The following IBTK variants were observed in gnomAD, a reference collection of about 807,000 sequenced individuals.
IBTK encodes the protein BTK-binding protein.
IBTK carries 83 observed loss-of-function variants against 154.9 expected under a neutral mutation model. That is an observed-to-expected ratio of 0.54 (90% confidence interval 0.45 to 0.64). The LOEUF (loss-of-function observed/expected upper bound fraction) is 0.64. IBTK is among the 30% of genes least tolerant of loss of function. The probability of loss-of-function intolerance (pLI) is 0.00; values close to 1 mark genes in which losing one functional copy is unlikely to be tolerated. For missense variants in IBTK, 1,332 were observed against 1,584.6 expected (o/e 0.84, Z 2.71); for synonymous variants, 515 against 536.1 (o/e 0.96, Z 0.54).
At chr6:82,194,398 T>G in intron 23 of IBTK, 81 bp downstream of exon 23, 1 of 936,382 alleles carries the variant, frequency 1.1e-6, no homozygotes, top group African/African-American at 1.7e-5. Context: ...TCTTAAATGT[T>G]CATCATTAAA....
intron 26 of IBTK, among the ~76,000 whole-genome samples, chr6:82,179,345 G>A (rs1768229803): frequency 6.6e-6 from 1 of 152,068 alleles, no homozygotes; most frequent in South Asian, 2.1e-4. Flanking sequence ...ATGGGTATGA[G>A]GAAAACATTA....
chr6:82,196,966 T>C (rs1769011582), intron 21 of IBTK, among the ~76,000 whole-genome samples: 1 of 152,158 alleles, frequency 6.6e-6, no homozygotes, highest in African/African-American at 2.4e-5. Context: ...TGTGGCCTGT[T>C]TGAAGTGTGT....
intron 8 of IBTK, 36 bp downstream of exon 8, chr6:82,223,404 A>C (rs1383007060): frequency 6.6e-7 from 1 of 1,517,716 alleles, no homozygotes; most frequent in Non-Finnish European, 9.0e-7. Context: ...TTGAATTATT[A>C]TTAAAATTAC....
chr6:82,187,798 T>C (rs1257576306), intron 25 of IBTK, among the ~76,000 whole-genome samples: 1 of 152,182 alleles, frequency 6.6e-6, no homozygotes, highest in Non-Finnish European at 1.5e-5. Context: ...TATCTCCATA[T>C]GGTCATATTA....
At position 82,178,154 on chromosome 6, in the gene IBTK, C is replaced by T. The variant is rs184521362; in HGVS notation, c.3725+3725G>A. On this transcript the variant is annotated intron_variant, in intron 26 of 28. Transcript: ENST00000306270. ...GAATCACTAGCAGTGATAGCCAAAG[C>T]TATTTAAAACATTAACTCCCATACC... Among the ~76,000 whole-genome samples the T allele has an allele frequency of 2.4e-4, 36 of 152,240 alleles. No homozygotes were observed. In the East Asian group the frequency reaches 6.7e-3, roughly 29 times the overall value.
Position 82,194,544 on chromosome 6 carries a change from T to C in IBTK, c.3273A>G (p.Pro1091=). ...EKSPILKISA[P]QPIPSNRIDT... ...CAATTCTGTTACTGGGAATAGGCTG[T>C]GGAGCAGATATTTTAAGTATTGGTG... Residue 1091 remains proline (P), a synonymous_variant, in exon 23 of 29, where the codon CCA becomes CCG. Transcript: ENST00000306270. 6.2e-7 allele frequency: 1 copy of C among 1,611,452 alleles called. No individual in the cohort carries two copies. The highest frequency in any genetic ancestry group is 8.5e-7 in the Non-Finnish European group (1 of 1,178,580).
In IBTK at chr6:82,196,306, T is replaced by C. The variant is rs768793874; in HGVS notation, c.3166A>G (p.Lys1056Glu). 1.2e-6 allele frequency: 2 copies of C among 1,604,462 alleles called. No individual in the cohort carries two copies. Among genetic ancestry groups the C allele is most frequent in the Non-Finnish European group, 1.7e-6 (2 of 1,176,406 alleles). Reference protein sequence around the residue: ...PDFTTGFHSDKIEAKVKPYVN... With the variant: ...PDFTTGFHSDEIEAKVKPYVN... ...TGCTTCAAAAAACAAACCTCAATCT[T>C]ATCTGAATGAAATCCTGTTGTGAAA... is the stretch of plus-strand genomic sequence containing the variant. The change falls in exon 22 of 29, where the codon AAG (lysine) becomes GAG (glutamate). Residue 1056 changes from lysine to glutamate, a missense_variant. Transcript: ENST00000306270.
rs189880007 is a variant in IBTK, at chr6:82,241,479, G to T, written c.-357-636C>A. On this transcript the variant is annotated intron_variant, in intron 1 of 28. Coordinates refer to ENST00000306270, the MANE Select transcript of IBTK (RefSeq NM_015525.4). ...ATGAAGAGATGATAATTAAACAAAGGTATTAAAACAACTGGATAGCTATCT... is the reference window on the plus strand; with the variant it reads ...ATGAAGAGATGATAATTAAACAAAGTTATTAAAACAACTGGATAGCTATCT... Among the ~76,000 whole-genome samples, 21 of 151,092 alleles carry T rather than the reference G, an allele frequency of 1.4e-4. No homozygotes were observed. In the East Asian group the frequency reaches 4.2e-3, roughly 30 times the overall value.
At chr6:82,226,053 A>G (rs1215747981) in intron 5 of IBTK, among the ~76,000 whole-genome samples, 1 of 152,144 alleles carries the variant, frequency 6.6e-6, no homozygotes, top group Non-Finnish European at 1.5e-5. Context: ...GGAGTCATTT[A>G]TCTGTCCTGG....
chr6:82,243,928 A>G (rs1242129586), intron 1 of IBTK, among the ~76,000 whole-genome samples: 3 of 152,204 alleles, frequency 2.0e-5, no homozygotes, highest in African/African-American at 7.2e-5. Context: ...AAGTCATTCC[A>G]TACTATCATA....
chr6:82,217,971 G>A lies in IBTK; in HGVS notation c.1415C>T (p.Ser472Phe). 1 of 1,593,596 alleles carries A rather than the reference G, an allele frequency of 6.3e-7. No homozygotes were observed. Among genetic ancestry groups the A allele is most frequent in the Middle Eastern group, 1.7e-4 (1 of 5,930 alleles). Residue 472 changes from serine (S) to phenylalanine (F), a missense_variant, in exon 10 of 29, where the codon TCT (serine) becomes TTT (phenylalanine). By Grantham distance (155) the Ser-to-Phe change is radical. Around this residue, in one of 3 missense-constraint regions of IBTK, gnomAD observed 1,134 missense variants for 1,274.7 expected, o/e 0.89. Transcript: ENST00000306270. Reference sequence around the variant, plus strand: ...ATATATGAACTGACCTTTCTTTTCAGAACTCTTTCTTTTCTCTTCAAACCA... The same window carrying A: ...ATATATGAACTGACCTTTCTTTTCAAAACTCTTTCTTTTCTCTTCAAACCA... The part of the protein sequence containing the change: ...GRWFEEKRKS[S>F]EKKEILSNLH...
intron 4 of IBTK, 127 bp downstream of exon 4, chr6:82,231,590 AT>A: frequency 6.6e-6 from 4 of 610,650 alleles, no homozygotes; most frequent in Non-Finnish European, 8.1e-6. Flanking sequence ...AGTTCTATTG[AT>A]TGATTTCCTC....
chr6:82,194,613 TGTACCATTAACATAC>T lies in IBTK; in HGVS notation c.3189_3203del (p.Tyr1064_Thr1068del), dbSNP rs1467328607. The T allele has an allele frequency of 6.2e-7, 1 of 1,601,580 alleles. No individual in the cohort carries two copies. Among genetic ancestry groups the T allele is most frequent in the Non-Finnish European group, 8.5e-7 (1 of 1,174,448 alleles). ...AATCTTCCCTAGAATACACAGGAGA[TGTACCATTAACATAC>T]GGTTTGACTTTCGCCTGGGGAGAGA... is the stretch of plus-strand genomic sequence containing the variant. On this transcript the variant is annotated inframe_deletion, in exon 23 of 29. Transcript: ENST00000306270.
At chr6:82,179,153 A>G (rs1768223418) in intron 26 of IBTK, among the ~76,000 whole-genome samples, 1 of 152,242 alleles carries the variant, frequency 6.6e-6, no homozygotes, top group Non-Finnish European at 1.5e-5. Flanking sequence ...AAAATTTAGT[A>G]TATGGATTTG....
intron 12 of IBTK, among the ~76,000 whole-genome samples, chr6:82,213,898 C>A (rs1198738116): frequency 6.6e-6 from 1 of 151,038 alleles, no homozygotes; most frequent in African/African-American, 2.4e-5. Flanking sequence ...GGGGATGGAA[C>A]AAGTGGGAGG....
chr6:82,210,397 C>T (rs1378368074), intron 16 of IBTK: 2 of 150,870 alleles, frequency 1.3e-5, no homozygotes, highest in African/African-American at 2.4e-5. Context: ...CATGTAATCT[C>T]TGTATCATTC....
At chr6:82,187,922 T>C (rs750568650) in intron 25 of IBTK, among the ~76,000 whole-genome samples, 1 of 151,966 alleles carries the variant, frequency 6.6e-6, no homozygotes, top group African/African-American at 2.4e-5. Context: ...TGAAAACCTA[T>C]TACAAATGGT....
At chr6:82,196,510 T>C (rs1045587842) in intron 21 of IBTK, 64 bp from the exon 22 acceptor site, 8 of 896,896 alleles carry the variant, frequency 8.9e-6, no homozygotes, top group African/African-American at 1.7e-5. Context: ...TTACATTCCA[T>C]GAACCAGAGA....
At chr6:82,176,673 T>G (rs1336627655) in intron 26 of IBTK, among the ~76,000 whole-genome samples, 1 of 152,056 alleles carries the variant, frequency 6.6e-6, no homozygotes, top group African/African-American at 2.4e-5. Context: ...TTGTACAAAT[T>G]GCTCACTTTT....
Sources: allele counts gnomAD v4.1 joint callset (sites outside exome capture counted in the v4.1 genomes callset), GRCh38; gene constraint gnomAD v4.1.1; regional missense constraint gnomAD v4.1.1; transcripts MANE v1.5; gene names NCBI Gene and HGNC (gene_info 2026-07-23, HGNC 2026-07-21).